Variants in DCC observed in about 807,000 individuals in gnomAD.
DCC encodes DCC netrin 1 receptor.
A neutral mutation model predicts 172.5 loss-of-function variants in DCC; 58 were observed. The observed-to-expected ratio is 0.34, with a 90% confidence interval of 0.27 to 0.42. The LOEUF is 0.42. Among genes scored for constraint, DCC ranks in the 10% least tolerant of loss-of-function variants. The pLI is 1.00. For missense variants in DCC, 1,740 were observed against 1,791.0 expected, an observed-to-expected ratio of 0.97 and a Z score of 0.51; for synonymous variants, 709 against 644.5, an observed-to-expected ratio of 1.10 and a Z score of -1.52.
At chr18:53,167,436 A>G (rs1363560708) in intron 8 of DCC, among the ~76,000 whole-genome samples, 1 of 152,156 alleles carries the variant, frequency 6.6e-6, no homozygotes, top group Admixed American at 6.6e-5. Context: ...ACTCTCCATT[A>G]CGGATAATGA....
chr18:52,915,835 G>A (rs2040031732), intron 3 of DCC, among the ~76,000 whole-genome samples: 1 of 152,056 alleles, frequency 6.6e-6, no homozygotes, highest in Non-Finnish European at 1.5e-5. Flanking sequence ...TTTCTATGTT[G>A]AAGGAAAATG....
intron 5 of DCC, among the ~76,000 whole-genome samples, chr18:52,927,225 G>GCACATATATACTTATATGTACATATA (rs1302557484): frequency 7.7e-5 from 10 of 130,190 alleles, no homozygotes; most frequent in African/African-American, 2.3e-4. Flanking sequence ...ACACATATAT[G>GCACATATATACTTATATGTACATATA]CACATATATA....
At chr18:53,413,400 A>C (rs1414296856) in intron 20 of DCC, among the ~76,000 whole-genome samples, 4 of 152,214 alleles carry the variant, frequency 2.6e-5, no homozygotes, top group Admixed American at 6.5e-5. Context: ...AATGATAGAA[A>C]CATATGATAG....
intron 2 of DCC, among the ~76,000 whole-genome samples, chr18:52,884,055 G>A (rs927196964): frequency 4.0e-5 from 6 of 151,722 alleles, no homozygotes; most frequent in African/African-American, 1.2e-4. Context: ...GGTTCCCACC[G>A]AAAACTCTGC....
At chr18:53,506,010 T>G (rs1463249238) in intron 27 of DCC, among the ~76,000 whole-genome samples, 1 of 152,208 alleles carries the variant, frequency 6.6e-6, no homozygotes, top group Non-Finnish European at 1.5e-5. Flanking sequence ...TGTCACCTTT[T>G]TATAGTTTAC....
intron 6 of DCC, among the ~76,000 whole-genome samples, chr18:53,064,614 C>G (rs1351338965): frequency 6.6e-6 from 1 of 152,132 alleles, no homozygotes; most frequent in Non-Finnish European, 1.5e-5. Flanking sequence ...TGTTGGCCTA[C>G]TATAAAGGTT....
intron 12 of DCC, among the ~76,000 whole-genome samples, chr18:53,247,506 A>G (rs2056379464): frequency 6.6e-6 from 1 of 152,048 alleles, no homozygotes; most frequent in Admixed American, 6.6e-5. Flanking sequence ...AGAGCATAGG[A>G]GAGTCTCTAG....
chr18:53,066,292 A>G (rs2042565603), intron 7 of DCC, 126 bp downstream of exon 7: 2 of 855,960 alleles, frequency 2.3e-6, no homozygotes, highest in East Asian at 5.8e-5. Context: ...TTAGTTAATT[A>G]AGGTGTATAC....
chr18:52,721,767 G>C (rs2036477115), intron 1 of DCC, among the ~76,000 whole-genome samples: 1 of 152,276 alleles, frequency 6.6e-6, no homozygotes, highest in Non-Finnish European at 1.5e-5. Context: ...GCTCATGCCT[G>C]TAATCTGAAC....
intron 7 of DCC, among the ~76,000 whole-genome samples, chr18:53,142,464 CTCCTAATAGA>C (rs2144352613): frequency 6.6e-6 from 1 of 152,276 alleles, no homozygotes; most frequent in East Asian, 1.9e-4. Flanking sequence ...AAATGATGCA[CTCCTAATAGA>C]TAAACATCCT....
At chr18:53,281,546 G>A (rs934418220) in intron 12 of DCC, among the ~76,000 whole-genome samples, 20 of 152,086 alleles carry the variant, frequency 1.3e-4, no homozygotes, top group African/African-American at 4.3e-4. Flanking sequence ...ATCTAAACCT[G>A]TCCCATTCTG....
intron 19 of DCC, 84 bp downstream of exon 19, chr18:53,402,977 C>G: frequency 1.1e-6 from 1 of 939,832 alleles, no homozygotes; most frequent in Non-Finnish European, 1.8e-6. Context: ...TCCTGCCTTT[C>G]GTGTGGCATT....
chr18:53,376,362 C>A (rs186817658), intron 15 of DCC, among the ~76,000 whole-genome samples: 3 of 151,924 alleles, frequency 2.0e-5, no homozygotes, highest in Admixed American at 6.6e-5. Context: ...CTAGCCCCGG[C>A]GAGTGAGCAA....
At chr18:53,133,221 G>C (rs1251895473) in intron 7 of DCC, among the ~76,000 whole-genome samples, 1 of 152,168 alleles carries the variant, frequency 6.6e-6, no homozygotes, top group African/African-American at 2.4e-5. Flanking sequence ...CACTGGTCTT[G>C]CAGATGCCCA....
At chr18:52,854,035 C>T (rs2039015861) in intron 2 of DCC, among the ~76,000 whole-genome samples, 1 of 152,180 alleles carries the variant, frequency 6.6e-6, no homozygotes, top group African/African-American at 2.4e-5. Context: ...TTACTGGTTT[C>T]TTCAACTGTA....
At chr18:53,256,094 T>A (rs2056508506) in intron 12 of DCC, among the ~76,000 whole-genome samples, 1 of 152,214 alleles carries the variant, frequency 6.6e-6, no homozygotes, top group African/African-American at 2.4e-5. Context: ...TTTGAGTTCA[T>A]TGTAGATTCT....
intron 1 of DCC, among the ~76,000 whole-genome samples, chr18:52,705,965 A>G (rs564732933): frequency 6.6e-6 from 1 of 152,298 alleles, no homozygotes; most frequent in South Asian, 2.1e-4. Flanking sequence ...TTAACAAAGA[A>G]TGTAGGTCAC....
At chr18:52,568,462 T>G (rs1402103686) in intron 1 of DCC, among the ~76,000 whole-genome samples, 1 of 152,192 alleles carries the variant, frequency 6.6e-6, no homozygotes, top group Non-Finnish European at 1.5e-5. Context: ...GGTGACTCTT[T>G]ACAGAGTTGT....
At chr18:53,299,956 A>G (rs1316960732) in intron 12 of DCC, among the ~76,000 whole-genome samples, 1 of 152,208 alleles carries the variant, frequency 6.6e-6, no homozygotes, top group Non-Finnish European at 1.5e-5. Context: ...TGCTTAGACC[A>G]TTGCCAGGTC....
Sources: allele counts gnomAD v4.1 joint callset (sites outside exome capture counted in the v4.1 genomes callset), GRCh38; gene constraint gnomAD v4.1.1; transcripts MANE v1.5; gene names NCBI Gene and HGNC (gene_info 2026-07-23, HGNC 2026-07-21).